The following PCDHGA7 variants were observed in gnomAD, a reference collection of about 807,000 sequenced individuals.
PCDHGA7 encodes protocadherin gamma-A7.
A neutral mutation model predicts 58.3 loss-of-function variants in PCDHGA7; 44 were observed. The ratio of observed to expected loss-of-function variants is 0.75; its 90% confidence interval spans 0.59 to 0.97. PCDHGA7 has a LOEUF of 0.97. Ranked by LOEUF, PCDHGA7 falls within the 50% of genes least tolerant of loss-of-function variation. PCDHGA7 has a pLI of 0.00. For missense variants in PCDHGA7, 1,266 were observed against 1,188.7 expected, an observed-to-expected ratio of 1.06 and a Z score of -0.96; for synonymous variants, 516 against 504.2, an observed-to-expected ratio of 1.02 and a Z score of -0.31.
At chr5:141,497,904 A>G (rs939422338) in intron 2 of PCDHGA7, among the ~76,000 whole-genome samples, 2 of 152,136 alleles carry the variant, frequency 1.3e-5, no homozygotes, top group African/African-American at 2.4e-5. Context: ...AGTAACTTCA[A>G]CTTCTCTCCT....
Position 141,478,294 on chromosome 5 carries a change from A to G in PCDHGA7, c.2425-16513A>G, listed in dbSNP as rs147994096. The G allele has an allele frequency of 3.6e-3, 5,805 of 1,614,110 alleles. 30 individuals are homozygous for G. Among genetic ancestry groups the G allele is most frequent in the Non-Finnish European group, 3.4e-3 (4,026 of 1,180,032 alleles). The stretch of plus-strand genomic sequence containing the variant: ...ACAAGTGGAAGCAGTCTAGAGACCT[A>G]TACCGAGCCCCGGTGAGCTCACTGT... On this transcript the variant is annotated intron_variant, in intron 1 of 3. Coordinates refer to ENST00000518325, the MANE Select transcript of PCDHGA7 (RefSeq NM_018920.4).
intron 1 of PCDHGA7, chr5:141,393,928 A>G: frequency 2.5e-6 from 4 of 1,614,004 alleles, no homozygotes; most frequent in South Asian, 2.2e-5. Flanking sequence ...TTGAGTGTGC[A>G]TGACCAAGAC....
At chr5:141,398,550 A>G (rs1390355431) in intron 1 of PCDHGA7, 2 of 1,613,816 alleles carry the variant, frequency 1.2e-6, no homozygotes, top group Non-Finnish European at 1.7e-6. Context: ...TTGAGCTGCA[A>G]ATAAGTGAGT....
rs144695545 is a variant in PCDHGA7, at chr5:141,487,156, C to G, written c.2425-7651C>G. ...CACCACTCTCTACCTCTGTTACTCT[C>G]TTAGTGTCCTTAGAGGAAGACACTC... On this transcript the variant is annotated intron_variant, in intron 1 of 3. Transcript: ENST00000518325. This position sits in a 1 kb window ranked among gnomAD's most constrained non-coding sequence, Gnocchi z 5.0. 105 of 1,613,896 alleles carry G rather than the reference C, an allele frequency of 6.5e-5. No homozygotes were observed. In the African/African-American group the frequency reaches 1.2e-3, roughly 18 times the overall value.
intron 1 of PCDHGA7, among the ~76,000 whole-genome samples, chr5:141,407,088 G>T (rs955657125): frequency 4.6e-5 from 7 of 152,058 alleles, no homozygotes; most frequent in African/African-American, 1.7e-4. Context: ...ATGAAGAATT[G>T]TTTTATTTGT....
Position 141,424,520 on chromosome 5 carries a change from A to T in PCDHGA7, c.2424+39197A>T, listed in dbSNP as rs527395935. ...GTATGGAAGGTTTTTTAATGTAGTA[A>T]ATCCATATATAGAAATAACTTGATT... is the stretch of plus-strand genomic sequence containing the variant. On this transcript the variant is annotated intron_variant, in intron 1 of 3. Coordinates refer to ENST00000518325, the MANE Select transcript of PCDHGA7 (RefSeq NM_018920.4). 15 of 152,286 alleles carry T rather than the reference A, an allele frequency of 9.8e-5. No individual in the cohort carries two copies. In the East Asian group the frequency reaches 2.9e-3, roughly 29 times the overall value. The allele number at this position is 152,286 out of a possible 1,614,324, so 9.4% of individuals were successfully genotyped here. A position where few individuals can be genotyped will look rare whatever the true frequency, so the allele number is the denominator to read the frequency against.
At chr5:141,413,729 G>C (rs2095671676) in intron 1 of PCDHGA7, 1 of 1,613,378 alleles carries the variant, frequency 6.2e-7, no homozygotes, top group Non-Finnish European at 8.5e-7. Flanking sequence ...TTCTCCCTAA[G>C]AGTTCAGAGC....
In PCDHGA7 at chr5:141,512,845, A is replaced by G. The variant is rs1166488780; in HGVS notation, c.*1672A>G. On this transcript the variant is annotated 3_prime_UTR_variant, in exon 4 of 4. Coordinates refer to ENST00000518325, the MANE Select transcript of PCDHGA7 (RefSeq NM_018920.4). ...CTCCCCCGTACTGACTTCTCCTATA[A>G]GCGCTTCTCTTCGCATAGTCACGTA... The G allele has an allele frequency of 6.6e-6, 1 of 152,156 alleles. No individual in the cohort carries two copies. Among genetic ancestry groups the G allele is most frequent in the African/African-American group, 2.4e-5 (1 of 41,380 alleles). 9.4% of individuals were successfully genotyped at this position (152,156 alleles called of 1,614,324 possible).
In PCDHGA7 at chr5:141,489,664, A is replaced by C. The variant is rs745597010; in HGVS notation, c.2425-5143A>C. 1.9e-6 allele frequency: 3 copies of C among 1,614,224 alleles called. No individual in the cohort carries two copies. Among genetic ancestry groups the C allele is most frequent in the African/African-American group, 1.3e-5 (1 of 75,058 alleles). On this transcript the variant is annotated intron_variant, in intron 1 of 3. Transcript: ENST00000518325. This position sits in a 1 kb window ranked among gnomAD's most constrained non-coding sequence, Gnocchi z 4.5. ...TGCCACCCCTGAGCGAGAGATGCGC[A>C]TCTCAGAATCAGCAGCATCTGGGGC... is the stretch of plus-strand genomic sequence containing the variant.
chr5:141,459,044 A>T (rs2098959649), intron 1 of PCDHGA7, among the ~76,000 whole-genome samples: 1 of 152,204 alleles, frequency 6.6e-6, no homozygotes, highest in Non-Finnish European at 1.5e-5. Flanking sequence ...TACCAGCTAT[A>T]TTGAAGTATA....
At chr5:141,427,192 A>T (rs1191677237) in intron 1 of PCDHGA7, 1 of 456,566 alleles carries the variant, frequency 2.2e-6, no homozygotes. Context: ...AAATCCAAAG[A>T]CTTAATAGAC....
In PCDHGA7 at chr5:141,385,102, G is replaced by T. The variant is rs370391349; in HGVS notation, c.2203G>T (p.Val735Leu). The T allele has an allele frequency of 6.2e-7, 1 of 1,614,056 alleles. No homozygotes were observed. The highest frequency in any genetic ancestry group is 1.1e-5 in the South Asian group (1 of 91,092). ...LQASEGGLAN[V>L]PTSHFVGMDG... ...GGCTTCAGAAGGTGGCTTGGCGAAC[G>T]TGCCCACCTCGCACTTTGTGGGCAT... is the stretch of plus-strand genomic sequence containing the variant. Residue 735 changes from valine (V) to leucine (L), a missense_variant, in exon 1 of 4, where the codon GTG becomes TTG. By Grantham distance (32) the Val-to-Leu change is conservative. Coordinates refer to ENST00000518325, the MANE Select transcript of PCDHGA7 (RefSeq NM_018920.4).
chr5:141,476,868 C>T lies in PCDHGA7; in HGVS notation c.2425-17939C>T, dbSNP rs1213404395. On this transcript the variant is annotated intron_variant, in intron 1 of 3. Coordinates refer to ENST00000518325, the MANE Select transcript of PCDHGA7 (RefSeq NM_018920.4). This position sits in a 1 kb window ranked among gnomAD's most constrained non-coding sequence, Gnocchi z 7.6. ...GTCTTCAACCAGTCCTTGTACCGGG[C>T]GCGCGTCCTGGAGGATGCACCCTCC... 3 of 1,613,874 alleles carry T rather than the reference C, an allele frequency of 1.9e-6. No individual in the cohort carries two copies. Among genetic ancestry groups the T allele is most frequent in the Admixed American group, 3.3e-5 (2 of 60,026 alleles).
chr5:141,389,524 G>T, intron 1 of PCDHGA7: 1 of 1,613,146 alleles, frequency 6.2e-7, no homozygotes, highest in Non-Finnish European at 8.5e-7. Context: ...GTGAGCCTGC[G>T]CGTGTTAGTG....
At chr5:141,402,067 A>G (rs2094221639) in intron 1 of PCDHGA7, among the ~76,000 whole-genome samples, 1 of 152,226 alleles carries the variant, frequency 6.6e-6, no homozygotes, top group Non-Finnish European at 1.5e-5. Flanking sequence ...TTAAAAAACT[A>G]AGCATTTTTG....
chr5:141,388,514 GA>G (rs1218773677), intron 1 of PCDHGA7: 33 of 1,613,840 alleles, frequency 2.0e-5, no homozygotes, highest in Non-Finnish European at 2.8e-5. Flanking sequence ...CCTACCACTT[GA>G]CTTTGACTGC....
intron 2 of PCDHGA7, among the ~76,000 whole-genome samples, chr5:141,495,678 C>T (rs1340336428): frequency 6.6e-6 from 1 of 152,180 alleles, no homozygotes; most frequent in African/African-American, 2.4e-5. Context: ...CTGTGCCTGC[C>T]ATGGCATAAG....
Position 141,485,950 on chromosome 5 carries a change from G to A in PCDHGA7, c.2425-8857G>A. ...TGTTGGAGAGCGCACCAGCGGGCAT[G>A]GTGCTCATCCAGCTCAATGCCTCAG... On this transcript the variant is annotated intron_variant, in intron 1 of 3. Transcript: ENST00000518325. The surrounding 1 kb of genome is among the most constrained non-coding windows in gnomAD (Gnocchi z 5.7). 6.2e-7 allele frequency: 1 copy of A among 1,614,184 alleles called. No individual in the cohort carries two copies. The highest frequency in any genetic ancestry group is 8.5e-7 in the Non-Finnish European group (1 of 1,180,030).
At chr5:141,423,742 A>C in intron 1 of PCDHGA7, 1 of 514,328 alleles carries the variant, frequency 1.9e-6, no homozygotes, top group Non-Finnish European at 2.4e-6. Context: ...CCTGTTATGA[A>C]AACTGTTTGG....
Sources: allele counts gnomAD v4.1 joint callset (sites outside exome capture counted in the v4.1 genomes callset), GRCh38; gene constraint gnomAD v4.1.1; non-coding constraint Gnocchi (gnomAD v3.1); transcripts MANE v1.5; gene names NCBI Gene and HGNC (gene_info 2026-07-23, HGNC 2026-07-21).